The following AOPEP variants were observed in gnomAD, a reference collection of about 807,000 sequenced individuals.
The protein encoded by AOPEP is aminopeptidase O (putative), also known as aminopeptidase O.
Under a neutral mutation model 98.1 loss-of-function variants are expected in AOPEP, and 77 were observed. The observed-to-expected ratio is 0.78, with a 90% CI of 0.65 to 0.95. AOPEP has a LOEUF of 0.95. Among genes scored for constraint, AOPEP ranks in the 40% least tolerant of loss-of-function variants. AOPEP has a pLI of 0.00. For synonymous variants in AOPEP, 346 were observed against 365.3 expected, an observed-to-expected ratio of 0.95 and a Z score of 0.60; for missense variants, 1,024 against 1,024.7, an observed-to-expected ratio of 1.00 and a Z score of 0.01.
At chr9:94,960,426 A>AT (rs2058740704) in intron 9 of AOPEP, among the ~76,000 whole-genome samples, 1 of 151,812 alleles carries the variant, frequency 6.6e-6, no homozygotes, top group Non-Finnish European at 1.5e-5. Context: ...AAAAAAAAAA[A>AT]GATGAGGAAT....
intron 5 of AOPEP, among the ~76,000 whole-genome samples, chr9:94,877,392 T>TA (rs1016901577): frequency 1.1e-4 from 16 of 151,400 alleles, no homozygotes; most frequent in Admixed American, 4.6e-4. Flanking sequence ...CCACATTTAG[T>TA]AAAAAAATGA....
chr9:94,739,505 C>T (rs905610600), intron 1 of AOPEP, among the ~76,000 whole-genome samples: 10 of 152,092 alleles, frequency 6.6e-5, no homozygotes, highest in African/African-American at 1.4e-4. Flanking sequence ...ATTAGCCAGG[C>T]GTGGTGGCAG....
chr9:94,740,043 G>A (rs1360064887), intron 1 of AOPEP, among the ~76,000 whole-genome samples: 1 of 152,156 alleles, frequency 6.6e-6, no homozygotes, highest in East Asian at 1.9e-4. Flanking sequence ...CCAGAAGGAG[G>A]GGGTGCATCA....
In AOPEP at chr9:94,869,702, G is replaced by A. The variant is rs183955751; in HGVS notation, c.1365-54284G>A. Among the ~76,000 whole-genome samples the A allele has an allele frequency of 3.6e-3, 546 of 152,240 alleles. 1 individual carries two copies. The highest frequency in any genetic ancestry group is 5.1e-3 in the Non-Finnish European group (350 of 68,006). ...ATAGAATCAAAGCCAGATACGGCTC[G>A]TGTTACCCAGAAGCAGAATGAATGA... On this transcript the variant is annotated intron_variant, in intron 5 of 16. Coordinates refer to ENST00000375315, the MANE Select transcript of AOPEP (RefSeq NM_001193329.3).
intron 11 of AOPEP, among the ~76,000 whole-genome samples, chr9:94,994,780 C>T (rs1217316493): frequency 1.3e-5 from 2 of 152,096 alleles, no homozygotes; most frequent in African/African-American, 4.8e-5. Flanking sequence ...GGTGAAACCT[C>T]GTCTCTACTA....
chr9:94,968,871 T>A (rs918906688), intron 10 of AOPEP, among the ~76,000 whole-genome samples: 4 of 152,220 alleles, frequency 2.6e-5, no homozygotes, highest in African/African-American at 9.6e-5. Context: ...TACAGTGCTG[T>A]TCAGCATCAT....
chr9:94,877,279 C>G lies in AOPEP; in HGVS notation c.1365-46707C>G, dbSNP rs952232211. ...TACCTAGTTGCATTTGTGCAAGGGT[C>G]AGTTAAATTTATTTGTCTGTAAATC... On this transcript the variant is annotated intron_variant, in intron 5 of 16. Transcript: ENST00000375315. Among the ~76,000 whole-genome samples, 4 of 152,160 alleles carry G rather than the reference C, an allele frequency of 2.6e-5. No homozygotes were observed. The South Asian group carries it at 8.3e-4, about 32-fold the overall frequency.
chr9:94,740,778 G>T (rs1204613042), intron 1 of AOPEP, among the ~76,000 whole-genome samples: 1 of 152,198 alleles, frequency 6.6e-6, no homozygotes, highest in African/African-American at 2.4e-5. Context: ...GGCTTCATCA[G>T]TTACAAACTG....
Position 94,788,178 on chromosome 9 carries a change from C to G in AOPEP, c.965-4587C>G, listed in dbSNP as rs72746519. 5.2e-3 allele frequency among the ~76,000 whole-genome samples: 792 copies of G among 152,200 alleles called. 12 individuals are homozygous for G. The highest frequency in any genetic ancestry group is 0.043 in the South Asian group (208 of 4,816). ...CCTGACCTCCTGGGCCCAAGTGATC[C>G]TCCTACCTCAGCCTCCCAAGTACGT... On this transcript the variant is annotated intron_variant, in intron 3 of 16. Transcript: ENST00000375315.
intron 5 of AOPEP, among the ~76,000 whole-genome samples, chr9:94,921,614 G>T (rs2053628553): frequency 6.6e-6 from 1 of 152,302 alleles, no homozygotes; most frequent in East Asian, 1.9e-4. Context: ...TTTGTTAACA[G>T]CCTTTGAGAA....
At chr9:95,090,089 C>T (rs1030122203), downstream of AOPEP, among the ~76,000 whole-genome samples, 12 of 152,184 alleles carry the variant, frequency 7.9e-5, no homozygotes, top group South Asian at 2.1e-4. Flanking sequence ...TGGGGCTAAA[C>T]GGCACTGAAG....
At chr9:94,798,126 AG>A (rs1317516920) in intron 4 of AOPEP, among the ~76,000 whole-genome samples, 6 of 152,216 alleles carry the variant, frequency 3.9e-5, no homozygotes, top group African/African-American at 1.4e-4. Flanking sequence ...CAAGTGAGCC[AG>A]TCTGAGAAGA....
chr9:94,800,918 C>G lies in AOPEP; in HGVS notation c.1280C>G (p.Ala427Gly). 1 of 1,614,178 alleles carries G rather than the reference C, an allele frequency of 6.2e-7. No individual in the cohort carries two copies. Among genetic ancestry groups the G allele is most frequent in the Non-Finnish European group, 8.5e-7 (1 of 1,180,026 alleles). ...LRLIPPCLSA[A>G]HSVLGAHPFS... ...CTGATCCCTCCTTGCCTCTCAGCAGCACATTCTGTTCTGGGAGCACACCCG... is the reference window on the plus strand; with the variant it reads ...CTGATCCCTCCTTGCCTCTCAGCAGGACATTCTGTTCTGGGAGCACACCCG... Residue 427 changes from alanine to glycine, a missense_variant, in exon 5 of 17, where the codon GCA becomes GGA. Ala to Gly is a moderately conservative substitution (Grantham distance 60). This residue lies in a region of AOPEP where 566 missense variants were observed against 551.7 expected (regional missense o/e 1.03). Coordinates refer to ENST00000375315, the MANE Select transcript of AOPEP (RefSeq NM_001193329.3).
chr9:95,113,338 G>A, the AOPEP span, among the ~76,000 whole-genome samples: 1 of 152,290 alleles, frequency 6.6e-6, no homozygotes, highest in South Asian at 2.1e-4. Context: ...GTGGCAAAAG[G>A]AACAAATAAG....
At chr9:94,987,097 T>G (rs7866661) in intron 11 of AOPEP, among the ~76,000 whole-genome samples, 20,014 of 152,204 alleles carry the variant, frequency 0.13, 3,399 homozygotes, top group African/African-American at 0.4. Flanking sequence ...CATGAGTAGA[T>G]CCCACACATA....
intron 3 of AOPEP, among the ~76,000 whole-genome samples, chr9:94,789,042 A>T (rs1845069218): frequency 6.6e-6 from 1 of 152,106 alleles, no homozygotes; most frequent in Admixed American, 6.5e-5. Flanking sequence ...GGAGCTTCTA[A>T]GGGGTAAAAT....
chr9:94,959,482 T>G (rs766285624), intron 9 of AOPEP, among the ~76,000 whole-genome samples: 1 of 152,208 alleles, frequency 6.6e-6, no homozygotes, highest in Non-Finnish European at 1.5e-5. Context: ...AGTTGATCAT[T>G]AATGTAAGCA....
intron 11 of AOPEP, among the ~76,000 whole-genome samples, chr9:94,985,809 A>G (rs571898653): frequency 6.6e-6 from 1 of 152,292 alleles, no homozygotes; most frequent in South Asian, 2.1e-4. Context: ...ATCCTTAAAG[A>G]CATGTGGAAT....
At chr9:95,040,324 T>A (rs1259012744) in intron 13 of AOPEP, among the ~76,000 whole-genome samples, 1 of 152,232 alleles carries the variant, frequency 6.6e-6, no homozygotes, top group Non-Finnish European at 1.5e-5. Context: ...TTTAGAATTA[T>A]ATTGCTATCA....
Sources: allele counts gnomAD v4.1 joint callset (sites outside exome capture counted in the v4.1 genomes callset), GRCh38; gene constraint gnomAD v4.1.1; regional missense constraint gnomAD v4.1.1; transcripts MANE v1.5; gene names NCBI Gene and HGNC (gene_info 2026-07-23, HGNC 2026-07-21).